PCDH15: variants seen among roughly 807,000 people sequenced by gnomAD.
PCDH15 encodes the protein protocadherin-15.
Under a neutral mutation model 178.5 loss-of-function variants are expected in PCDH15, and 129 were observed. That is an observed-to-expected ratio of 0.72 (90% CI 0.63 to 0.84). The LOEUF (loss-of-function observed/expected upper bound fraction) is 0.84, where lower values mean the gene tolerates loss of function less well. Among genes scored for constraint, PCDH15 ranks in the 40% least tolerant of loss-of-function variants. The pLI, the probability that PCDH15 is intolerant of heterozygous loss-of-function variation, is 0.00. For synonymous variants in PCDH15, 800 were observed against 732.0 expected (o/e 1.09, Z -1.50); for missense variants, 2,230 against 2,099.9 (o/e 1.06, Z -1.21).
In PCDH15 at chr10:53,810,651, G is replaced by C; in HGVS notation, c.4576C>G (p.Gln1526Glu). 2 of 1,613,478 alleles carry C rather than the reference G, an allele frequency of 1.2e-6. No individual in the cohort carries two copies. Among genetic ancestry groups the C allele is most frequent in the Non-Finnish European group, 1.7e-6 (2 of 1,179,602 alleles). Reference sequence around the variant, plus strand: ...AACAATCGACGGCGACTCCCATATTGAGGCATTTCATACCTGTAATATAAA... The same window carrying C: ...AACAATCGACGGCGACTCCCATATTCAGGCATTTCATACCTGTAATATAAA... The part of the protein sequence containing the change: ...YSYEHGYEMP[Q>E]YGSRRRLLPP... Residue 1526 changes from glutamine (Q) to glutamate (E), a missense_variant, in exon 37 of 38, where the codon CAA (glutamine) becomes GAA (glutamate). Transcript: ENST00000644397.
chr10:54,420,712 C>T (rs1486494823), intron 3 of PCDH15, among the ~76,000 whole-genome samples: 1 of 151,788 alleles, frequency 6.6e-6, no homozygotes, highest in Non-Finnish European at 1.5e-5. Flanking sequence ...CATTTATAAG[C>T]AAGAGATGAT....
intron 2 of PCDH15, among the ~76,000 whole-genome samples, chr10:54,565,776 GATTTCTTCTTCTTAAA>G (rs1194370281): frequency 1.3e-5 from 2 of 152,108 alleles, no homozygotes; most frequent in Non-Finnish European, 2.9e-5. Context: ...ATAACTATGA[GATTTCTTCTTCTTAAA>G]TAAAATGGAA....
At chr10:54,425,884 C>T (rs1215413394) in intron 3 of PCDH15, among the ~76,000 whole-genome samples, 2 of 152,088 alleles carry the variant, frequency 1.3e-5, no homozygotes, top group South Asian at 2.1e-4. Context: ...TAATTATAGA[C>T]ATTTCAACTG....
At chr10:55,010,397 T>C (rs1191419933) in intron 2 of PCDH15, among the ~76,000 whole-genome samples, 1 of 151,976 alleles carries the variant, frequency 6.6e-6, no homozygotes, top group Non-Finnish European at 1.5e-5. Context: ...ATTTAAACAA[T>C]AGAGAAGCCC....
chr10:53,973,085 T>C (rs1291778370), intron 21 of PCDH15, among the ~76,000 whole-genome samples: 1 of 151,980 alleles, frequency 6.6e-6, no homozygotes, highest in Non-Finnish European at 1.5e-5. Context: ...ATGTGGCACA[T>C]ATACACCATG....
At chr10:55,144,993 T>C (rs796067324) in intron 2 of PCDH15, among the ~76,000 whole-genome samples, 18 of 152,140 alleles carry the variant, frequency 1.2e-4, no homozygotes, top group African/African-American at 4.3e-4. Flanking sequence ...TGCATTTGGA[T>C]TATAACTACA....
chr10:54,242,624 A>T (rs1244576050), intron 8 of PCDH15, among the ~76,000 whole-genome samples: 1 of 152,252 alleles, frequency 6.6e-6, no homozygotes, highest in East Asian at 1.9e-4. Context: ...ACTTAAAAAA[A>T]TGACATTTCG....
At chr10:54,145,867 ATTCACAG>A (rs1260964125) in intron 14 of PCDH15, among the ~76,000 whole-genome samples, 1 of 152,062 alleles carries the variant, frequency 6.6e-6, no homozygotes, top group Non-Finnish European at 1.5e-5. Flanking sequence ...GTGCCAAGTC[ATTCACAG>A]TTCTTTAACA....
chr10:55,163,495 T>A (rs1839115072), intron 2 of PCDH15, among the ~76,000 whole-genome samples: 1 of 151,950 alleles, frequency 6.6e-6, no homozygotes, highest in Non-Finnish European at 1.5e-5. Context: ...CTGGGAAAAA[T>A]AAGGCTAAGA....
intron 13 of PCDH15, among the ~76,000 whole-genome samples, chr10:54,174,766 C>T (rs1211204610): frequency 8.2e-6 from 1 of 121,780 alleles, no homozygotes; most frequent in African/African-American, 3.2e-5. Context: ...AGTGCAATGG[C>T]GCGATCTTGG....
At chr10:55,480,266 C>T (rs1381725507) in intron 2 of PCDH15, among the ~76,000 whole-genome samples, 1 of 151,668 alleles carries the variant, frequency 6.6e-6, no homozygotes. Context: ...AGGATCATGT[C>T]ATCTGCAAAC....
At position 55,395,216 on chromosome 10, in the gene PCDH15, A is replaced by T. The variant is rs1466906802; in HGVS notation, c.-155-228565T>A. On this transcript the variant is annotated intron_variant, in intron 2 of 5. Transcript: ENST00000613346. ...GTGTGTGAGAGAGAGAGAGAGAGAG[A>T]GAGAGAGAGAGAGAGAAAGAGACTA... Among the ~76,000 whole-genome samples, 362 of 150,508 alleles carry T rather than the reference A, an allele frequency of 2.4e-3. 2 individuals carry two copies. Among genetic ancestry groups the T allele is most frequent in the African/African-American group, 8.2e-3 (337 of 40,906 alleles).
intron 2 of PCDH15, among the ~76,000 whole-genome samples, chr10:55,442,308 A>G (rs1466329325): frequency 2.6e-5 from 4 of 151,516 alleles, no homozygotes; most frequent in Admixed American, 6.6e-5. Flanking sequence ...CCTCAATATT[A>G]GTAAATCCAT....
Position 55,394,411 on chromosome 10 carries a change from T to C in PCDH15, c.-155-227760A>G, listed in dbSNP as rs189935481. Among the ~76,000 whole-genome samples the C allele has an allele frequency of 1.6e-3, 247 of 152,092 alleles. 1 individual carries two copies. The highest frequency in any genetic ancestry group is 5.0e-3 in the African/African-American group (209 of 41,534). Reference sequence around the variant, plus strand: ...CCCTTATACAAAATTTATATGAATTTCTAAGTGAGAAGGCTTTAAAGCAAT... The same window carrying C: ...CCCTTATACAAAATTTATATGAATTCCTAAGTGAGAAGGCTTTAAAGCAAT... On this transcript the variant is annotated intron_variant, in intron 2 of 5. Transcript: ENST00000613346.
intron 2 of PCDH15, among the ~76,000 whole-genome samples, chr10:55,082,719 A>G (rs1316379292): frequency 6.6e-6 from 1 of 151,918 alleles, no homozygotes; most frequent in East Asian, 1.9e-4. Flanking sequence ...ATGAAAAAGG[A>G]GACACTATAA....
At chr10:54,154,577 A>C (rs1347053084) in intron 13 of PCDH15, among the ~76,000 whole-genome samples, 1 of 152,168 alleles carries the variant, frequency 6.6e-6, no homozygotes, top group East Asian at 1.9e-4. Flanking sequence ...CTAATTTCCC[A>C]TTCAAAAGTT....
At chr10:54,146,956 A>G (rs2044017460) in intron 14 of PCDH15, among the ~76,000 whole-genome samples, 1 of 140,222 alleles carries the variant, frequency 7.1e-6, no homozygotes, top group African/African-American at 2.7e-5. Flanking sequence ...TAGTGTATAT[A>G]TATATAATGT....
intron 2 of PCDH15, among the ~76,000 whole-genome samples, chr10:54,580,627 T>C (rs1029913278): frequency 6.6e-6 from 1 of 151,878 alleles, no homozygotes; most frequent in Admixed American, 6.6e-5. Flanking sequence ...TACCAAAACC[T>C]GGCAGATAAA....
intron 9 of PCDH15, among the ~76,000 whole-genome samples, chr10:54,214,924 A>G (rs1198245109): frequency 6.6e-6 from 1 of 152,178 alleles, no homozygotes; most frequent in African/African-American, 2.4e-5. Flanking sequence ...TTAATAATCA[A>G]TATACATTTC....
Sources: allele counts gnomAD v4.1 joint callset (sites outside exome capture counted in the v4.1 genomes callset), GRCh38; gene constraint gnomAD v4.1.1; transcripts MANE v1.5; gene names NCBI Gene and HGNC (gene_info 2026-07-23, HGNC 2026-07-21).